The following NCAPD3 variants were observed in gnomAD, a reference collection of about 807,000 sequenced individuals.
The protein encoded by NCAPD3 is non-SMC condensin II complex subunit D3.
A neutral mutation model predicts 182.9 loss-of-function variants in NCAPD3; 105 were observed. The ratio of observed to expected loss-of-function variants is 0.57; its 90% CI spans 0.49 to 0.68. The LOEUF (loss-of-function observed/expected upper bound fraction) is 0.68, where lower values mean the gene tolerates loss of function less well. Among genes scored for constraint, NCAPD3 ranks in the 30% least tolerant of loss-of-function variants. NCAPD3 has a pLI of 0.00. For missense variants in NCAPD3, 1,944 were observed against 1,837.0 expected, an observed-to-expected ratio of 1.06 and a Z score of -1.07; for synonymous variants, 815 against 679.9, an observed-to-expected ratio of 1.20 and a Z score of -3.09.
In NCAPD3 at chr11:134,153,016, G is replaced by A. The variant is rs781327471; in HGVS notation, c.4425C>T (p.Pro1475=). ...PQPQQWNVRS[P]ARNKDTPACS... is the part of the protein sequence containing the mutation. The stretch of plus-strand genomic sequence containing the variant: ...AGGCTGGAGTGTCTTTATTCCTGGC[G>A]GGAGACCGCACATTCCACTGCTGAG... Residue 1475 remains proline, a synonymous_variant, in exon 35 of 35, where the codon CCC becomes CCT. Coordinates refer to ENST00000534548, the MANE Select transcript of NCAPD3 (RefSeq NM_015261.3). 6.9e-6 allele frequency: 11 copies of A among 1,593,300 alleles called. No individual in the cohort carries two copies. The African/African-American group carries it at 8.1e-5, about 12-fold the overall frequency.
At chr11:134,167,456 G>A (rs1943873798) in intron 27 of NCAPD3, among the ~76,000 whole-genome samples, 1 of 137,298 alleles carries the variant, frequency 7.3e-6, no homozygotes, top group Admixed American at 7.2e-5. Context: ...GGAGCTTAGG[G>A]GAGGCGCACA....
At chr11:134,158,903 A>G (rs71486991) in intron 29 of NCAPD3, among the ~76,000 whole-genome samples, 2,659 of 152,292 alleles carry the variant, frequency 0.017, 46 homozygotes, top group Non-Finnish European at 0.026. Flanking sequence ...TGGCTCACAT[A>G]TATGAATGAG....
chr11:134,159,349 G>A (rs754909242), intron 29 of NCAPD3, among the ~76,000 whole-genome samples: 2 of 152,200 alleles, frequency 1.3e-5, no homozygotes, highest in Non-Finnish European at 2.9e-5. Flanking sequence ...CTATGAGCAA[G>A]TCCATAAGTA....
chr11:134,152,192 G>T lies in NCAPD3; in HGVS notation c.*752C>A, dbSNP rs6590735. 0.58 allele frequency among the ~76,000 whole-genome samples: 88,103 copies of T among 152,174 alleles called. 25,869 individuals are homozygous for T. Among genetic ancestry groups the T allele is most frequent in the African/African-American group, 0.68 (28,118 of 41,502 alleles). On this transcript the variant is annotated 3_prime_UTR_variant, in exon 35 of 35. Coordinates refer to ENST00000534548, the MANE Select transcript of NCAPD3 (RefSeq NM_015261.3). ...CCCTTAACAGAGGGCTGCACAAATCGGCAGTGCTGCTCTGGGGAAGGCTGC... is the reference window on the plus strand; with the variant it reads ...CCCTTAACAGAGGGCTGCACAAATCTGCAGTGCTGCTCTGGGGAAGGCTGC...
rs993380115 is a variant in NCAPD3, at chr11:134,151,417, GCCT to G, written c.*1524_*1526del. On this transcript the variant is annotated 3_prime_UTR_variant, in exon 35 of 35. Coordinates refer to ENST00000534548, the MANE Select transcript of NCAPD3 (RefSeq NM_015261.3). ...CTCAGCGTTGGGGATTCACGCTCCA[GCCT>G]CCTTCTTGGTTGTCATAGTGATAGG... 6.6e-6 allele frequency: 1 copy of G among 152,122 alleles called. No individual in the cohort carries two copies. Among genetic ancestry groups the G allele is most frequent in the African/African-American group, 2.4e-5 (1 of 41,428 alleles). 9.4% of individuals were successfully genotyped at this position (152,122 alleles called of 1,614,324 possible).
At chr11:134,158,284 C>T (rs762754818) in intron 30 of NCAPD3, 45 bp downstream of exon 30, 16 of 1,606,580 alleles carry the variant, frequency 1.0e-5, no homozygotes, top group Middle Eastern at 3.9e-4. Flanking sequence ...CTGAGAACAT[C>T]GCCACAGAGA....
chr11:134,203,565 C>T, intron 11 of NCAPD3, 89 bp downstream of exon 11: 2 of 1,509,876 alleles, frequency 1.3e-6, no homozygotes, highest in South Asian at 1.2e-5. Context: ...ATACCTATTA[C>T]TTTTGCCACA....
At chr11:134,153,623 C>T (rs1943328311) in intron 32 of NCAPD3, 2 of 533,092 alleles carry the variant, frequency 3.8e-6, no homozygotes, top group Admixed American at 3.2e-5. Context: ...GTTCACGCCT[C>T]TGGCTTCCCT....
chr11:134,192,914 G>C lies in NCAPD3; in HGVS notation c.1825-5C>G, dbSNP rs118101653. ...CTGCACGCATCTAGGCTGAGCCTTA[G>C]GAGTGAAAGATTATGACATGAGAAG... On this transcript the variant is annotated splice_region_variant and splice_polypyrimidine_tract_variant and intron_variant, in intron 15 of 34. Transcript: ENST00000534548. 1,219 of 1,562,704 alleles carry C rather than the reference G, an allele frequency of 7.8e-4. 37 individuals are homozygous for C. The East Asian group carries it at 0.027, about 35-fold the overall frequency.
At chr11:134,183,985 T>C (rs1391275380) in intron 19 of NCAPD3, among the ~76,000 whole-genome samples, 1 of 152,242 alleles carries the variant, frequency 6.6e-6, no homozygotes, top group African/African-American at 2.4e-5. Context: ...TTATGATTGG[T>C]ACTAAGAGTA....
At chr11:134,156,915 G>T in intron 32 of NCAPD3, 103 bp downstream of exon 32, 1 of 1,035,946 alleles carries the variant, frequency 9.7e-7, no homozygotes, top group South Asian at 1.5e-5. Flanking sequence ...CTGACCATCA[G>T]AACTATCCTG....
At position 134,185,528 on chromosome 11, in the gene NCAPD3, T is replaced by A; in HGVS notation, c.2046-2A>T. The A allele has an allele frequency of 1.3e-6, 2 of 1,569,516 alleles. No homozygotes were observed. Among genetic ancestry groups the A allele is most frequent in the Admixed American group, 2.0e-5 (1 of 50,346 alleles). On this transcript the variant is annotated splice_acceptor_variant, in intron 16 of 34. Coordinates refer to ENST00000534548, the MANE Select transcript of NCAPD3 (RefSeq NM_015261.3). LOFTEE classifies it high-confidence loss of function. ...TGAAAAGCCTTATTTAAATATCGGC[T>A]GGAAAAAAAAAAGATAGAAAAGCAG...
Position 134,150,558 on chromosome 11 carries a change from C to T in NCAPD3, c.*2386G>A, listed in dbSNP as rs1221939856. ...GGCACTGCAGGGACACTGGTGTCTT[C>T]CATGTAGCGTCCCAGCTTTGGGCTC... On this transcript the variant is annotated 3_prime_UTR_variant, in exon 35 of 35. Transcript: ENST00000534548. 6.6e-6 allele frequency: 1 copy of T among 152,240 alleles called. No homozygotes were observed. The highest frequency in any genetic ancestry group is 1.5e-5 in the Non-Finnish European group (1 of 68,038). The allele number at this position is 152,240 out of a possible 1,614,324, so 9.4% of individuals were successfully genotyped here.
In NCAPD3 at chr11:134,181,198, A is replaced by G; in HGVS notation, c.2452-14T>C. 6.3e-7 allele frequency: 1 copy of G among 1,595,956 alleles called. No homozygotes were observed. Reference sequence around the variant, plus strand: ...CGTCAGCAATTCCTACGGCAAGTCAAAAGTCATCTCTGAAGGGCCCCGCAC... The same window carrying G: ...CGTCAGCAATTCCTACGGCAAGTCAGAAGTCATCTCTGAAGGGCCCCGCAC... On this transcript the variant is annotated splice_polypyrimidine_tract_variant and intron_variant, in intron 19 of 34. Coordinates refer to ENST00000534548, the MANE Select transcript of NCAPD3 (RefSeq NM_015261.3).
intron 16 of NCAPD3, among the ~76,000 whole-genome samples, chr11:134,189,278 G>GT (rs1487820946): frequency 2.6e-5 from 4 of 152,022 alleles, no homozygotes; most frequent in Non-Finnish European, 5.9e-5. Context: ...TTTGAAGACT[G>GT]TTTTTCTTTC....
intron 12 of NCAPD3, 51 bp from the exon 13 acceptor site, chr11:134,202,956 A>G (rs761355243): frequency 1.4e-6 from 2 of 1,424,658 alleles, no homozygotes; most frequent in East Asian, 2.3e-5. Flanking sequence ...TATACTTTTA[A>G]TAACATTAGC....
At chr11:134,214,371 T>A (rs1375752872) in intron 3 of NCAPD3, among the ~76,000 whole-genome samples, 1 of 152,100 alleles carries the variant, frequency 6.6e-6, no homozygotes, top group Admixed American at 6.5e-5. Context: ...TGCACAACAG[T>A]AAAAACATAT....
At chr11:134,189,425 C>T (rs956449089) in intron 16 of NCAPD3, among the ~76,000 whole-genome samples, 1 of 152,216 alleles carries the variant, frequency 6.6e-6, no homozygotes, top group Admixed American at 6.5e-5. Flanking sequence ...TAACGTTACA[C>T]ATTTCCTTCT....
chr11:134,214,642 T>C (rs1198145389), intron 3 of NCAPD3, among the ~76,000 whole-genome samples: 2 of 151,892 alleles, frequency 1.3e-5, no homozygotes, highest in Non-Finnish European at 2.9e-5. Context: ...AAATGAACAG[T>C]AAAATGAATA....
Sources: gnomAD v4.1 joint callset for allele counts (sites outside exome capture counted in the v4.1 genomes callset) on GRCh38, gnomAD v4.1.1 for gene constraint, MANE v1.5 for transcripts, NCBI Gene and HGNC (gene_info 2026-07-23, HGNC 2026-07-21) for gene names.